Variants in DPYSL5 observed in about 807,000 individuals in gnomAD.
The protein encoded by DPYSL5 is dihydropyrimidinase-related protein 5.
Under a neutral mutation model 58.4 loss-of-function variants are expected in DPYSL5, and 9 were observed. The ratio of observed to expected loss-of-function variants is 0.15; its 90% CI spans 0.09 to 0.27. DPYSL5 has a LOEUF of 0.27. DPYSL5 is among the 10% of genes least tolerant of loss of function. The pLI, the probability that DPYSL5 is intolerant of heterozygous loss-of-function variation, is 1.00. For synonymous variants in DPYSL5, 293 were observed against 301.9 expected (o/e 0.97, Z 0.31); for missense variants, 499 against 770.6 (o/e 0.65, Z 4.17).
chr2:26,882,389 G>A (rs1414024786), intron 1 of DPYSL5, among the ~76,000 whole-genome samples: 1 of 151,702 alleles, frequency 6.6e-6, no homozygotes, highest in African/African-American at 2.4e-5. Flanking sequence ...GGGACTACAG[G>A]CGCACACCAC....
intron 1 of DPYSL5, among the ~76,000 whole-genome samples, chr2:26,890,340 C>G (rs915064286): frequency 6.6e-6 from 1 of 152,198 alleles, no homozygotes; most frequent in African/African-American, 2.4e-5. Context: ...TTAGTGCACA[C>G]AAATGTCCTA....
In DPYSL5 at chr2:26,947,268, C is replaced by T; in HGVS notation, c.*273C>T. ...GGGCCCAGGAAGCCCACACTATGCA[C>T]AGAGCCCAATGCATAGAGCCCTGGC... On this transcript the variant is annotated 3_prime_UTR_variant, in exon 13 of 13. Coordinates refer to ENST00000288699, the MANE Select transcript of DPYSL5 (RefSeq NM_020134.4). The surrounding 1 kb of genome is among the most constrained non-coding windows in gnomAD (Gnocchi z 4.2). 4.7e-6 allele frequency: 2 copies of T among 425,464 alleles called. No homozygotes were observed. The highest frequency in any genetic ancestry group is 5.5e-5 in the South Asian group (2 of 36,174). The allele number at this position is 425,464 out of a possible 1,614,324, so 26.4% of individuals were successfully genotyped here.
At chr2:26,889,275 CTT>C (rs57812800) in intron 1 of DPYSL5, among the ~76,000 whole-genome samples, 1 of 146,020 alleles carries the variant, frequency 6.8e-6, no homozygotes. Context: ...GCTTATACTT[CTT>C]TTTTTTTTTT....
intron 2 of DPYSL5, among the ~76,000 whole-genome samples, chr2:26,912,183 T>C (rs1209110738): frequency 1.3e-5 from 2 of 152,222 alleles, no homozygotes; most frequent in Non-Finnish European, 2.9e-5. Context: ...GGGCAGATCT[T>C]ATCATCCTTC....
chr2:26,945,175 C>T (rs145375896), intron 12 of DPYSL5, among the ~76,000 whole-genome samples: 3 of 152,072 alleles, frequency 2.0e-5, no homozygotes, highest in East Asian at 3.9e-4. Context: ...CTGTGGTTCA[C>T]GGGACTGCAC....
chr2:26,946,415 T>G (rs1038738073), intron 12 of DPYSL5, among the ~76,000 whole-genome samples: 7 of 147,386 alleles, frequency 4.7e-5, no homozygotes, highest in Admixed American at 1.4e-4. Flanking sequence ...TTTGTTTTTG[T>G]TTTTTTTTTT....
intron 6 of DPYSL5, among the ~76,000 whole-genome samples, chr2:26,932,189 A>AAGAAAGAAAGAAAGAAAGACAGAC (rs1665039242): frequency 1.4e-5 from 1 of 72,064 alleles, no homozygotes; most frequent in Non-Finnish European, 3.0e-5. Flanking sequence ...GAAAGAAAGA[A>AAGAAAGAAAGAAAGAAAGACAGAC]AGAAAGAAAG....
At chr2:26,926,382 G>A (rs997541588) in intron 3 of DPYSL5, among the ~76,000 whole-genome samples, 1 of 152,188 alleles carries the variant, frequency 6.6e-6, no homozygotes, top group Non-Finnish European at 1.5e-5. Context: ...GCCTAGAATA[G>A]AGGGTCTTCT....
intron 6 of DPYSL5, among the ~76,000 whole-genome samples, chr2:26,931,926 T>C (rs1367179560): frequency 2.0e-5 from 3 of 148,468 alleles, no homozygotes; most frequent in East Asian, 3.9e-4. Flanking sequence ...GAGAATTGCT[T>C]GAACCCAGGA....
rs1474347605 is a variant in DPYSL5, at chr2:26,931,203, G to GTGTATA, written c.670-436_670-435insGTATAT. ...TGTGTGTGTGTGTGTGTGTGTGTGTGTATATATATATATATATATATATAT... is the reference window on the plus strand; with the variant it reads ...TGTGTGTGTGTGTGTGTGTGTGTGTGTGTATATATATATATATATATATATATATAT... On this transcript the variant is annotated intron_variant, in intron 5 of 12. Coordinates refer to ENST00000288699, the MANE Select transcript of DPYSL5 (RefSeq NM_020134.4). Among the ~76,000 whole-genome samples the GTGTATA allele has an allele frequency of 2.4e-3, 108 of 44,928 alleles. 1 individual carries two copies. The highest frequency in any genetic ancestry group is 8.1e-3 in the African/African-American group (100 of 12,340). The allele number at this position is 44,928 out of a possible 152,430, so 29.5% of individuals were successfully genotyped here.
rs953722980 is a variant in DPYSL5, at chr2:26,925,542, C to A, written c.420+497C>A. On this transcript the variant is annotated intron_variant, in intron 3 of 12. Coordinates refer to ENST00000288699, the MANE Select transcript of DPYSL5 (RefSeq NM_020134.4). This position sits in a 1 kb window ranked among gnomAD's most constrained non-coding sequence, Gnocchi z 4.5. Reference sequence around the variant, plus strand: ...GTATGCTTTTTTCCTACTGGGGGCCCAGCTTCTGCTCTGAGAAGCATCGAG... The same window carrying A: ...GTATGCTTTTTTCCTACTGGGGGCCAAGCTTCTGCTCTGAGAAGCATCGAG... Among the ~76,000 whole-genome samples the A allele has an allele frequency of 1.2e-4, 19 of 152,352 alleles. No individual in the cohort carries two copies. Among genetic ancestry groups the A allele is most frequent in the Admixed American group, 1.2e-3 (18 of 15,310 alleles).
chr2:26,927,581 T>C lies in DPYSL5; in HGVS notation c.600+149T>C. ...AGGTGTGGACACCCCAGCTGTCAGA[T>C]CTTGGTCAGAAAATCCAAACTTTAC... On this transcript the variant is annotated intron_variant, in intron 4 of 12. Transcript: ENST00000288699. This position sits in a 1 kb window ranked among gnomAD's most constrained non-coding sequence, Gnocchi z 4.3. The C allele has an allele frequency of 1.0e-6, 1 of 1,002,328 alleles. No individual in the cohort carries two copies. Among genetic ancestry groups the C allele is most frequent in the East Asian group, 2.7e-5 (1 of 36,612 alleles). The allele number at this position is 1,002,328 out of a possible 1,614,324, so 62.1% of individuals were successfully genotyped here.
At chr2:26,882,268 C>T (rs1663588450) in intron 1 of DPYSL5, among the ~76,000 whole-genome samples, 1 of 151,764 alleles carries the variant, frequency 6.6e-6, no homozygotes, top group African/African-American at 2.4e-5. Context: ...TTCATTGAGA[C>T]AAGGTCTCAC....
intron 1 of DPYSL5, among the ~76,000 whole-genome samples, chr2:26,885,097 G>C (rs1189608068): frequency 3.9e-5 from 6 of 152,168 alleles, no homozygotes; most frequent in Non-Finnish European, 8.8e-5. Flanking sequence ...TACTCGGGAG[G>C]CTGAGGCAGG....
rs771627088 is a variant in DPYSL5 at position 26,931,698 on chromosome 2, T to C, written c.714+14T>C. On this transcript the variant is annotated intron_variant, in intron 6 of 12. Transcript: ENST00000288699. ...ATTGCAAACAGGGTAAGTCCCCCGA[T>C]GTCCACTGTGGGATTAGAAACCAAC... 3 of 1,613,766 alleles carry C rather than the reference T, an allele frequency of 1.9e-6. No homozygotes were observed. Among genetic ancestry groups the C allele is most frequent in the South Asian group, 1.1e-5 (1 of 91,064 alleles).
At chr2:26,856,167 G>T (rs1032758636) in intron 1 of DPYSL5, among the ~76,000 whole-genome samples, 1 of 152,102 alleles carries the variant, frequency 6.6e-6, no homozygotes, top group Non-Finnish European at 1.5e-5. Flanking sequence ...CATGTAATCT[G>T]CACCAAATTA....
At chr2:26,903,263 G>T (rs1030466638) in intron 2 of DPYSL5, among the ~76,000 whole-genome samples, 2 of 152,048 alleles carry the variant, frequency 1.3e-5, no homozygotes, top group Admixed American at 1.3e-4. Context: ...TAGAGAATGG[G>T]GTTTCGCTAT....
chr2:26,893,757 G>C (rs183389777), intron 1 of DPYSL5, among the ~76,000 whole-genome samples: 1 of 152,242 alleles, frequency 6.6e-6, no homozygotes, highest in South Asian at 2.1e-4. Context: ...ATCTAGTGCC[G>C]TGAAGGCAAT....
intron 1 of DPYSL5, among the ~76,000 whole-genome samples, chr2:26,885,137 T>C (rs534622471): frequency 1.1e-3 from 166 of 152,170 alleles, no homozygotes; most frequent in African/African-American, 3.8e-3. Flanking sequence ...AGGTGGAGGT[T>C]GCAGTGAGCT....
Sources: gnomAD v4.1 joint callset for allele counts (sites outside exome capture counted in the v4.1 genomes callset) on GRCh38, gnomAD v4.1.1 for gene constraint, Gnocchi (gnomAD v3.1) non-coding constraint, MANE v1.5 for transcripts, NCBI Gene and HGNC (gene_info 2026-07-23, HGNC 2026-07-21) for gene names.